Variants in ZNF704 observed in about 807,000 individuals in gnomAD.
The protein encoded by ZNF704 is glucocorticoid induced gene 1.
In ZNF704, 10 loss-of-function variants were observed where a neutral mutation model predicts 44.7. That is an observed-to-expected ratio of 0.22 (90% CI 0.14 to 0.38). The LOEUF is 0.38. Among genes scored for constraint, ZNF704 ranks in the 10% least tolerant of loss-of-function variants. ZNF704 has a pLI of 1.00. For missense variants in ZNF704, 390 were observed against 545.5 expected, an observed-to-expected ratio of 0.71 and a Z score of 2.84; for synonymous variants, 211 against 207.6, an observed-to-expected ratio of 1.02 and a Z score of -0.14.
At chr8:80,660,120 T>C (rs1169964059) in intron 6 of ZNF704, among the ~76,000 whole-genome samples, 2 of 152,214 alleles carry the variant, frequency 1.3e-5, no homozygotes, top group Admixed American at 1.3e-4. Flanking sequence ...TATTCCACTC[T>C]AGGCATTCAT....
chr8:80,823,516 G>C (rs536514148), intron 1 of ZNF704, among the ~76,000 whole-genome samples: 1 of 152,352 alleles, frequency 6.6e-6, no homozygotes, highest in South Asian at 2.1e-4. Context: ...TGAACAAAAG[G>C]CAGCAGCAAC....
At chr8:80,859,619 T>C (rs1400237840) in intron 1 of ZNF704, among the ~76,000 whole-genome samples, 4 of 152,260 alleles carry the variant, frequency 2.6e-5, no homozygotes, top group Non-Finnish European at 5.9e-5. Flanking sequence ...ACAAATATTT[T>C]GCTTTTGTAT....
intron 2 of ZNF704, among the ~76,000 whole-genome samples, chr8:80,788,850 C>T (rs769476962): frequency 1.9e-4 from 29 of 152,072 alleles, no homozygotes; most frequent in Non-Finnish European, 3.5e-4. Context: ...AATTGTGTTG[C>T]GTACCCTTAA....
chr8:80,879,610 G>A (rs1370088779), upstream of ZNF704, among the ~76,000 whole-genome samples: 2 of 152,082 alleles, frequency 1.3e-5, no homozygotes, highest in African/African-American at 4.8e-5. Flanking sequence ...TTAATTTCAT[G>A]AGCCTTCCCT....
intron 2 of ZNF704, among the ~76,000 whole-genome samples, chr8:80,782,055 T>G (rs1458835583): frequency 5.3e-5 from 8 of 152,196 alleles, no homozygotes; most frequent in African/African-American, 1.9e-4. Flanking sequence ...ATTAGGAAAT[T>G]ACTGCTTAGA....
chr8:80,750,607 C>T (rs924314919), intron 2 of ZNF704, among the ~76,000 whole-genome samples: 57 of 152,004 alleles, frequency 3.7e-4, no homozygotes, highest in African/African-American at 1.4e-3. Flanking sequence ...TCTCTGCCTC[C>T]TGGGTTCACG....
At chr8:80,658,786 T>C (rs1818054317) in intron 7 of ZNF704, 1 of 152,196 alleles carries the variant, frequency 6.6e-6, no homozygotes, top group Non-Finnish European at 1.5e-5. Flanking sequence ...GCTGGAAACC[T>C]CCGGGAGATG....
intron 2 of ZNF704, among the ~76,000 whole-genome samples, chr8:80,732,915 C>G (rs1051533494): frequency 4.9e-5 from 7 of 144,254 alleles, no homozygotes; most frequent in Non-Finnish European, 1.0e-4. Flanking sequence ...GATTGCACCA[C>G]TGCACTCCGG....
In ZNF704 at chr8:80,637,451, T is replaced by G. The variant is rs1287362744; in HGVS notation, c.*3915A>C. On this transcript the variant is annotated 3_prime_UTR_variant, in exon 9 of 9. Transcript: ENST00000327835. The stretch of plus-strand genomic sequence containing the variant: ...TTTGGAGTCTGATGAAGGGGGAACA[T>G]GGATTCAGCAGTGCCAACTAATTCA... 2.0e-5 allele frequency: 3 copies of G among 152,240 alleles called. No individual in the cohort carries two copies. Among genetic ancestry groups the G allele is most frequent in the Non-Finnish European group, 4.4e-5 (3 of 68,052 alleles). The allele number at this position is 152,240 out of a possible 1,614,324, so 9.4% of individuals were successfully genotyped here. A position where few individuals can be genotyped will look rare whatever the true frequency, so the allele number is the denominator to read the frequency against.
At chr8:80,704,979 G>T (rs968773827) in intron 2 of ZNF704, among the ~76,000 whole-genome samples, 4 of 152,190 alleles carry the variant, frequency 2.6e-5, no homozygotes, top group African/African-American at 9.6e-5. Context: ...CCTGGGGCTT[G>T]GGACTGGCAT....
intron 1 of ZNF704, among the ~76,000 whole-genome samples, chr8:80,870,975 A>G (rs1218542539): frequency 6.6e-6 from 1 of 152,234 alleles, no homozygotes; most frequent in Non-Finnish European, 1.5e-5. Flanking sequence ...ACCAACATTT[A>G]CATCATGGTC....
intron 1 of ZNF704, among the ~76,000 whole-genome samples, chr8:80,824,601 C>T (rs548267457): frequency 6.6e-6 from 1 of 152,216 alleles, no homozygotes; most frequent in East Asian, 1.9e-4. Context: ...TTGAGAAGAG[C>T]AACTCCAAGA....
intron 2 of ZNF704, among the ~76,000 whole-genome samples, chr8:80,757,802 A>C (rs1369118756): frequency 6.6e-6 from 1 of 152,218 alleles, no homozygotes; most frequent in African/African-American, 2.4e-5. Flanking sequence ...ATTCCGTACA[A>C]TAACACGCTG....
At chr8:80,837,554 G>C (rs756058943) in intron 1 of ZNF704, among the ~76,000 whole-genome samples, 2 of 151,700 alleles carry the variant, frequency 1.3e-5, no homozygotes, top group Non-Finnish European at 2.9e-5. Flanking sequence ...GCAGACCATC[G>C]AGCTGCCTGG....
chr8:80,696,024 CT>C (rs1414515865), intron 2 of ZNF704, among the ~76,000 whole-genome samples: 1 of 152,080 alleles, frequency 6.6e-6, no homozygotes, highest in Non-Finnish European at 1.5e-5. Context: ...TTGTTTTTAT[CT>C]TTGTTTAATT....
intron 4 of ZNF704, among the ~76,000 whole-genome samples, chr8:80,683,132 C>T (rs954452633): frequency 2.6e-5 from 4 of 152,240 alleles, no homozygotes; most frequent in East Asian, 3.9e-4. Context: ...GTGGTCATGA[C>T]GGAAATTGCA....
At chr8:80,770,331 C>T (rs947808518) in intron 2 of ZNF704, among the ~76,000 whole-genome samples, 4 of 152,220 alleles carry the variant, frequency 2.6e-5, no homozygotes, top group African/African-American at 9.6e-5. Flanking sequence ...CCTTCTGTCT[C>T]CATCCCTCCT....
At chr8:80,782,716 T>C (rs16908025) in intron 2 of ZNF704, among the ~76,000 whole-genome samples, 1 of 152,016 alleles carries the variant, frequency 6.6e-6, no homozygotes, top group Non-Finnish European at 1.5e-5. Flanking sequence ...ATCTGAGGGA[T>C]CTTGGGTTGT....
intron 2 of ZNF704, among the ~76,000 whole-genome samples, chr8:80,800,074 T>C (rs528240483): frequency 6.6e-6 from 1 of 152,196 alleles, no homozygotes; most frequent in East Asian, 1.9e-4. Flanking sequence ...ATATCAGAGC[T>C]TGAAGATGAT....
Sources: allele counts gnomAD v4.1 joint callset (sites outside exome capture counted in the v4.1 genomes callset), GRCh38; gene constraint gnomAD v4.1.1; transcripts MANE v1.5; gene names NCBI Gene and HGNC (gene_info 2026-07-23, HGNC 2026-07-21).